IGFBP7: variants seen among roughly 807,000 people sequenced by gnomAD.
The protein encoded by IGFBP7 is insulin-like growth factor-binding protein 7.
Under a neutral mutation model 29.4 loss-of-function variants are expected in IGFBP7, and 31 were observed. That is an observed-to-expected ratio of 1.05 (90% CI 0.79 to 1.42). The LOEUF (loss-of-function observed/expected upper bound fraction) is 1.42. Among genes scored for constraint, IGFBP7 ranks in the 40% most tolerant of loss-of-function variants. IGFBP7 has a pLI of 0.00. For missense variants in IGFBP7, 393 were observed against 395.5 expected (o/e 0.99, Z 0.05); for synonymous variants, 172 against 174.9 (o/e 0.98, Z 0.13).
At chr4:57,031,451 A>G (rs1305578565) in intron 4 of IGFBP7, 115 bp from the exon 5 acceptor site, 1 of 765,372 alleles carries the variant, frequency 1.3e-6, no homozygotes, top group Non-Finnish European at 2.3e-6. Context: ...ATATGGGGAT[A>G]AAGGATATAT....
intron 1 of IGFBP7, among the ~76,000 whole-genome samples, chr4:57,042,684 G>A (rs1282609075): frequency 6.6e-6 from 1 of 152,218 alleles, no homozygotes; most frequent in African/African-American, 2.4e-5. Flanking sequence ...TTAAAAGATG[G>A]ATATTTCATG....
intron 1 of IGFBP7, among the ~76,000 whole-genome samples, chr4:57,051,345 G>C (rs562726091): frequency 2.0e-5 from 3 of 152,340 alleles, no homozygotes; most frequent in African/African-American, 7.2e-5. Context: ...CACGGTCTCA[G>C]GGGTACTGGC....
chr4:57,079,301 T>C (rs934082894), intron 1 of IGFBP7, among the ~76,000 whole-genome samples: 1 of 152,128 alleles, frequency 6.6e-6, no homozygotes, highest in African/African-American at 2.4e-5. Flanking sequence ...AAAATTCACA[T>C]CCCACTGTAC....
At chr4:57,040,385 T>C (rs2109742927) in intron 2 of IGFBP7, among the ~76,000 whole-genome samples, 1 of 152,350 alleles carries the variant, frequency 6.6e-6, no homozygotes, top group African/African-American at 2.4e-5. Flanking sequence ...ATGAGGAGAC[T>C]GATGCCATCA....
intron 1 of IGFBP7, among the ~76,000 whole-genome samples, chr4:57,071,202 A>C (rs1725044826): frequency 7.0e-6 from 1 of 143,548 alleles, no homozygotes; most frequent in African/African-American, 2.6e-5. Context: ...TTTTTGATAT[A>C]TTGGGGGGGA....
chr4:57,040,338 A>G (rs1033538076), intron 2 of IGFBP7, among the ~76,000 whole-genome samples: 26 of 152,200 alleles, frequency 1.7e-4, no homozygotes, highest in African/African-American at 6.0e-4. Flanking sequence ...CTCCAAGCAG[A>G]CAGGATCTAA....
intron 4 of IGFBP7, 69 bp from the exon 5 acceptor site, chr4:57,031,405 G>T: frequency 1.9e-6 from 2 of 1,058,904 alleles, no homozygotes; most frequent in Non-Finnish European, 2.9e-6. Context: ...GAATTGGCAG[G>T]TAGTTGAGTG....
chr4:57,077,143 G>A (rs765138207), intron 1 of IGFBP7, among the ~76,000 whole-genome samples: 1 of 152,038 alleles, frequency 6.6e-6, no homozygotes, highest in Non-Finnish European at 1.5e-5. Context: ...AACAAAATAT[G>A]GTGCTCTGCG....
intron 1 of IGFBP7, among the ~76,000 whole-genome samples, chr4:57,096,808 GT>G (rs1319898590): frequency 1.3e-5 from 2 of 152,166 alleles, no homozygotes; most frequent in African/African-American, 4.8e-5. Context: ...CACTTTCTGA[GT>G]CGAAATACAT....
intron 1 of IGFBP7, among the ~76,000 whole-genome samples, chr4:57,048,939 G>A (rs116189043): frequency 0.035 from 5,371 of 152,224 alleles, 108 homozygotes; most frequent in Non-Finnish European, 0.038. Flanking sequence ...TATCCTCTTT[G>A]GGTTTGGAAG....
At chr4:57,038,607 C>G (rs184306830) in intron 2 of IGFBP7, among the ~76,000 whole-genome samples, 66 of 152,302 alleles carry the variant, frequency 4.3e-4, no homozygotes, top group African/African-American at 1.5e-3. Context: ...GGGAGACTAT[C>G]ATCCACCTTA....
At position 57,033,907 on chromosome 4, in the gene IGFBP7, C is replaced by T. The variant is rs571149173; in HGVS notation, c.586-596G>A. The stretch of plus-strand genomic sequence containing the variant: ...CTCTAGTAAAAACACAAAAATTAGC[C>T]GATTGTGTTGGCGAGCACCCGTAGT... On this transcript the variant is annotated intron_variant, in intron 2 of 4. Transcript: ENST00000295666. 5.3e-5 allele frequency among the ~76,000 whole-genome samples: 8 copies of T among 152,096 alleles called. No individual in the cohort carries two copies. In the East Asian group the frequency reaches 9.7e-4, roughly 18 times the overall value.
At chr4:57,081,545 C>T (rs1371138944) in intron 1 of IGFBP7, among the ~76,000 whole-genome samples, 1 of 151,860 alleles carries the variant, frequency 6.6e-6, no homozygotes, top group Non-Finnish European at 1.5e-5. Context: ...TGGTGTGACC[C>T]TTCTATCAGG....
intron 1 of IGFBP7, among the ~76,000 whole-genome samples, chr4:57,066,576 T>G (rs897315647): frequency 1.3e-5 from 2 of 152,176 alleles, no homozygotes; most frequent in African/African-American, 4.8e-5. Context: ...TAAGTTTTTT[T>G]TTTTGGAGAT....
At chr4:57,052,869 A>C (rs35751300) in intron 1 of IGFBP7, among the ~76,000 whole-genome samples, 1 of 151,950 alleles carries the variant, frequency 6.6e-6, no homozygotes, top group Non-Finnish European at 1.5e-5. Context: ...GTACTCAAAT[A>C]TCTCACTACG....
At chr4:57,100,925 C>T (rs1032726833) in intron 1 of IGFBP7, among the ~76,000 whole-genome samples, 35 of 152,206 alleles carry the variant, frequency 2.3e-4, no homozygotes, top group African/African-American at 6.3e-4. Context: ...TTTGGGATAA[C>T]AATTCCCCTT....
rs972893499 is a variant in IGFBP7 at position 57,072,456 on chromosome 4, C to T, written c.476-31523G>A. On this transcript the variant is annotated intron_variant, in intron 1 of 4. Transcript: ENST00000295666. ...GCTGTGGCAGAAGGATTGCTTGAGC[C>T]CAGGAGGTTGATGATACAACGAGCT... 5.3e-5 allele frequency among the ~76,000 whole-genome samples: 8 copies of T among 152,152 alleles called. No individual in the cohort carries two copies. The East Asian group carries it at 1.5e-3, about 29-fold the overall frequency.
chr4:57,107,307 C>T (rs758956949), intron 1 of IGFBP7, among the ~76,000 whole-genome samples: 3 of 152,192 alleles, frequency 2.0e-5, no homozygotes, highest in Non-Finnish European at 4.4e-5. Flanking sequence ...CTGAATCCCA[C>T]AATGCTGCCC....
intron 1 of IGFBP7, among the ~76,000 whole-genome samples, chr4:57,103,660 C>CTTTTTT (rs59173874): frequency 0.019 from 1,659 of 86,462 alleles, 195 homozygotes; most frequent in South Asian, 0.03. Context: ...TTTTTCTTTT[C>CTTTTTT]TTTTTTTTTT....
Sources: gnomAD v4.1 joint callset for allele counts (sites outside exome capture counted in the v4.1 genomes callset) on GRCh38, gnomAD v4.1.1 for gene constraint, MANE v1.5 for transcripts, NCBI Gene and HGNC (gene_info 2026-07-23, HGNC 2026-07-21) for gene names.